Variants in FNDC1 observed in about 807,000 individuals in gnomAD.
FNDC1 encodes fibronectin type III domain-containing protein 1.
A neutral mutation model predicts 168.0 loss-of-function variants in FNDC1; 96 were observed. The observed-to-expected ratio is 0.57, with a 90% CI of 0.48 to 0.68. The LOEUF is 0.68. Among genes scored for constraint, FNDC1 ranks in the 30% least tolerant of loss-of-function variants. The pLI, the probability that FNDC1 is intolerant of heterozygous loss-of-function variation, is 0.00. For missense variants in FNDC1, 2,587 were observed against 2,482.1 expected, an observed-to-expected ratio of 1.04 and a Z score of -0.90; for synonymous variants, 1,099 against 1,025.9, an observed-to-expected ratio of 1.07 and a Z score of -1.36.
intron 6 of FNDC1, among the ~76,000 whole-genome samples, chr6:159,223,035 G>A (rs1315940826): frequency 2.3e-5 from 3 of 128,344 alleles, no homozygotes; most frequent in African/African-American, 8.1e-5. Flanking sequence ...TCGCTCTGTT[G>A]CCCAGGCTGG....
chr6:159,193,696 A>G (rs561017877), intron 1 of FNDC1, among the ~76,000 whole-genome samples: 1 of 152,318 alleles, frequency 6.6e-6, no homozygotes, highest in Admixed American at 6.5e-5. Flanking sequence ...TTGAAGAGCC[A>G]TTGGAATCTT....
rs189430727 is a variant in FNDC1, at chr6:159,230,120, C to T, written c.1369+117C>T. The T allele has an allele frequency of 1.5e-4, 128 of 847,628 alleles. 1 individual carries two copies. The Admixed American group carries it at 3.1e-3, about 20-fold the overall frequency. 52.5% of individuals were successfully genotyped at this position (847,628 alleles called of 1,614,324 possible). ...CTGCTCAGCAGATGATTTTTCCAGG[C>T]TAAGTTGCATATTGATTTTTAAAAT... On this transcript the variant is annotated intron_variant, in intron 10 of 22. Transcript: ENST00000297267.
chr6:159,243,885 A>G (rs1352541128), intron 14 of FNDC1, among the ~76,000 whole-genome samples: 2 of 152,224 alleles, frequency 1.3e-5, no homozygotes, highest in East Asian at 1.9e-4. Context: ...TTAATGCCAG[A>G]GGACTTAACT....
chr6:159,215,024 A>G lies in FNDC1; in HGVS notation c.540A>G (p.Pro180=), dbSNP rs770917536. 1.2e-6 allele frequency: 2 copies of G among 1,613,986 alleles called. No homozygotes were observed. The highest frequency in any genetic ancestry group is 1.6e-4 in the Middle Eastern group (1 of 6,062). Residue 180 remains proline, a synonymous_variant, in exon 5 of 23, where the codon CCA becomes CCG. Transcript: ENST00000297267. ...GGCTGTCCGTTGCGTGGAAGGCACC[A>G]CGCCTGTCTGGAGCCAAGAGTCCAC... is the stretch of plus-strand genomic sequence containing the variant. The part of the protein sequence containing the change: ...DDRLSVAWKA[P]RLSGAKSPRR...
At chr6:159,237,151 G>A (rs144628420) in intron 12 of FNDC1, among the ~76,000 whole-genome samples, 48 of 152,282 alleles carry the variant, frequency 3.2e-4, no homozygotes, top group African/African-American at 1.1e-3. Context: ...GCACATTAAA[G>A]CAAAATGCTA....
At chr6:159,193,141 C>T (rs1027544304) in intron 1 of FNDC1, among the ~76,000 whole-genome samples, 9 of 152,046 alleles carry the variant, frequency 5.9e-5, no homozygotes, top group East Asian at 1.9e-4. Flanking sequence ...TGTGTCCCTA[C>T]ATAGTGTTTT....
intron 6 of FNDC1, among the ~76,000 whole-genome samples, chr6:159,222,710 C>T (rs1782856270): frequency 1.3e-5 from 2 of 152,206 alleles, no homozygotes; most frequent in South Asian, 4.1e-4. Flanking sequence ...TGGACTCACA[C>T]CTTCTAAAAT....
At chr6:159,239,322 T>C (rs926904491) in intron 13 of FNDC1, among the ~76,000 whole-genome samples, 195 bp from the exon 14 acceptor site, 4 of 152,164 alleles carry the variant, frequency 2.6e-5, no homozygotes, top group Non-Finnish European at 5.9e-5. Context: ...CAAAGGAAAG[T>C]ATTTCTTCCT....
chr6:159,201,096 T>C (rs191133724), intron 4 of FNDC1, among the ~76,000 whole-genome samples: 23 of 152,394 alleles, frequency 1.5e-4, no homozygotes, highest in Admixed American at 1.4e-3. Flanking sequence ...TGTTGTCTGG[T>C]CATATTGTTT....
In FNDC1 at chr6:159,232,188, C is replaced by A. The variant is rs146097620; in HGVS notation, c.1676C>A (p.Thr559Asn). The A allele has an allele frequency of 1.9e-6, 3 of 1,613,628 alleles. No homozygotes were observed. Among genetic ancestry groups the A allele is most frequent in the Admixed American group, 1.7e-5 (1 of 59,986 alleles). Residue 559 changes from threonine to asparagine, a missense_variant, in exon 11 of 23, where the codon ACC becomes AAC. Thr to Asn is a moderately conservative substitution (Grantham distance 65). Coordinates refer to ENST00000297267, the MANE Select transcript of FNDC1 (RefSeq NM_032532.3). This position sits in a 1 kb window ranked among gnomAD's most constrained non-coding sequence, Gnocchi z 4.9. Reference protein sequence around the residue: ...REDSPMSPSDTQDQKRTLRPP... With the variant: ...REDSPMSPSDNQDQKRTLRPP... ...GACTCGCCCATGTCACCCTCAGACA[C>A]CCAAGACCAGAAACGGACCCTGAGG...
In FNDC1 at chr6:159,169,748, C is replaced by A; in HGVS notation, c.109+43C>A. On this transcript the variant is annotated intron_variant, in intron 1 of 22. Coordinates refer to ENST00000297267, the MANE Select transcript of FNDC1 (RefSeq NM_032532.3). This position sits in a 1 kb window ranked among gnomAD's most constrained non-coding sequence, Gnocchi z 6.8. ...GCCCCCGGCGCTCCTCAGCTCCCCGCGCACCCTCCTGCGCTCGGGCCCCGT... is the reference window on the plus strand; with the variant it reads ...GCCCCCGGCGCTCCTCAGCTCCCCGAGCACCCTCCTGCGCTCGGGCCCCGT... 7 of 817,144 alleles carry A rather than the reference C, an allele frequency of 8.6e-6. No homozygotes were observed. The highest frequency in any genetic ancestry group is 1.1e-5 in the Non-Finnish European group (7 of 634,612). The allele number at this position is 817,144 out of a possible 1,614,324, so 50.6% of individuals were successfully genotyped here.
intron 1 of FNDC1, among the ~76,000 whole-genome samples, chr6:159,183,147 A>G (rs954051505): frequency 6.6e-6 from 1 of 152,222 alleles, no homozygotes; most frequent in African/African-American, 2.4e-5. Context: ...CATCAATCCT[A>G]TGAGGTAGGT....
intron 4 of FNDC1, among the ~76,000 whole-genome samples, chr6:159,202,896 A>G (rs1471901849): frequency 6.6e-6 from 1 of 152,250 alleles, no homozygotes; most frequent in Non-Finnish European, 1.5e-5. Flanking sequence ...ACAAAATGCC[A>G]CAGACTGGTG....
At position 159,233,272 on chromosome 6, in the gene FNDC1, T is replaced by C; in HGVS notation, c.2760T>C (p.His920=). 6.2e-7 allele frequency: 1 copy of C among 1,613,904 alleles called. No individual in the cohort carries two copies. Among genetic ancestry groups the C allele is most frequent in the Non-Finnish European group, 8.5e-7 (1 of 1,179,870 alleles). Residue 920 remains histidine, a synonymous_variant, in exon 11 of 23, where the codon CAT becomes CAC. Transcript: ENST00000297267. The surrounding 1 kb of genome is among the most constrained non-coding windows in gnomAD (Gnocchi z 4.6). ...GCCCGCAGAGAGGGGCCAGCCTGCA[T>C]CGGAAGGAACCCATCCCAGAGAACC... The part of the protein sequence containing the change: ...RRSPQRGASL[H]RKEPIPENPK...
In FNDC1 at chr6:159,169,884, G is replaced by T. The variant is rs1233877011; in HGVS notation, c.109+179G>T. 2.5e-5 allele frequency: 6 copies of T among 239,858 alleles called. No homozygotes were observed. The East Asian group carries it at 4.3e-4, about 17-fold the overall frequency. The allele number at this position is 239,858 out of a possible 1,614,324, so 14.9% of individuals were successfully genotyped here. ...GGGTGGCGGGAGCGGGGACGCCTCG[G>T]TGCCCGGGGACCGCAGCGCGCTGGC... On this transcript the variant is annotated intron_variant, in intron 1 of 22. Coordinates refer to ENST00000297267, the MANE Select transcript of FNDC1 (RefSeq NM_032532.3). This position sits in a 1 kb window ranked among gnomAD's most constrained non-coding sequence, Gnocchi z 6.8.
intron 2 of FNDC1, 82 bp downstream of exon 2, chr6:159,197,707 G>C: frequency 7.7e-7 from 1 of 1,300,472 alleles, no homozygotes; most frequent in South Asian, 1.4e-5. Context: ...ATGACTGTGA[G>C]ACAACCCATG....
At chr6:159,268,074 A>T in intron 22 of FNDC1, 148 bp downstream of exon 22, 1 of 851,754 alleles carries the variant, frequency 1.2e-6, no homozygotes. Flanking sequence ...AAATAAAATA[A>T]AGAATCAACA....
In FNDC1 at chr6:159,239,519, C is replaced by T. The variant is rs2115000622; in HGVS notation, c.4183C>T (p.Leu1395=). The T allele has an allele frequency of 6.3e-7, 1 of 1,583,580 alleles. No individual in the cohort carries two copies. The highest frequency in any genetic ancestry group is 2.3e-5 in the East Asian group (1 of 44,340). ...GCTATTGGTTGATTTTGTTTCAGAT[C>T]TGGAAGGGACCCCCGTGGTGAGTCC... ...LGGDGRTIVD[L]EGTPVVSPDG... Residue 1395 remains leucine, a splice_region_variant and synonymous_variant, in exon 14 of 23, where the codon CTG becomes TTG. Coordinates refer to ENST00000297267, the MANE Select transcript of FNDC1 (RefSeq NM_032532.3).
chr6:159,214,896 C>T, intron 4 of FNDC1, 49 bp from the exon 5 acceptor site: 22 of 1,556,820 alleles, frequency 1.4e-5, no homozygotes, highest in Non-Finnish European at 1.9e-5. Context: ...TGATGGCAAA[C>T]TCTAAGTGGT....
Sources: allele counts gnomAD v4.1 joint callset (sites outside exome capture counted in the v4.1 genomes callset), GRCh38; gene constraint gnomAD v4.1.1; non-coding constraint Gnocchi (gnomAD v3.1); transcripts MANE v1.5; gene names NCBI Gene and HGNC (gene_info 2026-07-23, HGNC 2026-07-21).